Variants in TCTN2 observed in about 807,000 individuals in gnomAD.
TCTN2 encodes tectonic-2.
A neutral mutation model predicts 83.4 loss-of-function variants in TCTN2; 66 were observed. The observed-to-expected ratio is 0.79, with a 90% CI of 0.65 to 0.97. TCTN2 has a LOEUF of 0.97. Ranked by LOEUF, TCTN2 falls within the 50% of genes least tolerant of loss-of-function variation. The pLI is 0.00. For synonymous variants in TCTN2, 301 were observed against 326.7 expected, an observed-to-expected ratio of 0.92 and a Z score of 0.85; for missense variants, 794 against 858.1, an observed-to-expected ratio of 0.93 and a Z score of 0.93.
chr12:123,701,493 C>G (rs757959909), intron 14 of TCTN2, among the ~76,000 whole-genome samples: 10 of 152,016 alleles, frequency 6.6e-5, no homozygotes, highest in Non-Finnish European at 7.4e-5. Context: ...AATCCCAGCA[C>G]TTTGGGAGGC....
chr12:123,673,922 G>A (rs1170958596), intron 4 of TCTN2, 112 bp downstream of exon 4: 3 of 1,006,608 alleles, frequency 3.0e-6, no homozygotes, highest in Non-Finnish European at 3.1e-6. Flanking sequence ...TGAGCTGCCC[G>A]GGAGGTTAAT....
chr12:123,688,832 C>G (rs139163549), intron 7 of TCTN2, among the ~76,000 whole-genome samples: 3,181 of 151,516 alleles, frequency 0.021, 97 homozygotes, highest in African/African-American at 0.054. Flanking sequence ...CTCAGCTCAC[C>G]GCAACCTCTG....
chr12:123,680,817 T>C (rs573414585), intron 5 of TCTN2, among the ~76,000 whole-genome samples: 7 of 151,842 alleles, frequency 4.6e-5, no homozygotes, highest in Non-Finnish European at 1.0e-4. Context: ...GCACTGGGCC[T>C]AAATTCAGTA....
At chr12:123,684,458 T>C (rs567271931) in intron 5 of TCTN2, among the ~76,000 whole-genome samples, 1 of 150,782 alleles carries the variant, frequency 6.6e-6, no homozygotes, top group East Asian at 2.0e-4. Context: ...TGGAGTACAG[T>C]GGTGCGATCT....
At chr12:123,677,028 G>A (rs1462321190) in intron 4 of TCTN2, among the ~76,000 whole-genome samples, 2 of 151,832 alleles carry the variant, frequency 1.3e-5, no homozygotes, top group East Asian at 1.9e-4. Flanking sequence ...AAATATGAAC[G>A]TTACCTGAGC....
At chr12:123,691,400 A>G (rs1956039236) in intron 8 of TCTN2, among the ~76,000 whole-genome samples, 1 of 152,160 alleles carries the variant, frequency 6.6e-6, no homozygotes, top group Non-Finnish European at 1.5e-5. Flanking sequence ...ATCATACACT[A>G]TGTGGCCTTT....
rs1307763559 is a variant in TCTN2 at position 123,704,708 on chromosome 12, C to T, written c.1769+20C>T. 1 of 1,613,240 alleles carries T rather than the reference C, an allele frequency of 6.2e-7. No individual in the cohort carries two copies. The highest frequency in any genetic ancestry group is 1.1e-5 in the South Asian group (1 of 90,966). ...GACAAGGTATGATCACATCTTGGAT[C>T]ACCGTAGTTTAGAGAGAGTCAGGAA... On this transcript the variant is annotated intron_variant, in intron 15 of 17. Coordinates refer to ENST00000303372, the MANE Select transcript of TCTN2 (RefSeq NM_024809.5).
chr12:123,681,474 G>T (rs118073002), intron 5 of TCTN2, among the ~76,000 whole-genome samples: 1 of 152,158 alleles, frequency 6.6e-6, no homozygotes, highest in African/African-American at 2.4e-5. Flanking sequence ...GACATTGCAC[G>T]TATATGGAAT....
At chr12:123,688,917 C>T (rs1008813013) in intron 7 of TCTN2, among the ~76,000 whole-genome samples, 2 of 151,998 alleles carry the variant, frequency 1.3e-5, no homozygotes, top group African/African-American at 4.8e-5. Flanking sequence ...CCACCACGCC[C>T]AGCTAATTTT....
rs1955863574 is a variant in TCTN2, at chr12:123,679,224, C to T, written c.499C>T (p.Pro167Ser). The T allele has an allele frequency of 1.2e-6, 2 of 1,614,126 alleles. No individual in the cohort carries two copies. The highest frequency in any genetic ancestry group is 1.7e-6 in the Non-Finnish European group (2 of 1,179,978). ...VTVIPNQVYQ[P>S]LGPCPCNLTA... is the part of the protein sequence containing the mutation. ...TGTCATTCCTAACCAGGTGTATCAG[C>T]CCCTTGGCCCTTGTCCTTGTAATTT... Residue 167 changes from proline to serine, a missense_variant, in exon 5 of 18, where the codon CCC (proline) becomes TCC (serine). By Grantham distance (74) the Pro-to-Ser change is moderately conservative. Coordinates refer to ENST00000303372, the MANE Select transcript of TCTN2 (RefSeq NM_024809.5).
At chr12:123,687,760 C>G (rs12829984) in intron 6 of TCTN2, among the ~76,000 whole-genome samples, 1 of 151,720 alleles carries the variant, frequency 6.6e-6, no homozygotes, top group African/African-American at 2.4e-5. Context: ...GTTGGGAGTT[C>G]AAGACGAGCC....
chr12:123,676,150 G>A (rs984266657), intron 4 of TCTN2, among the ~76,000 whole-genome samples: 9 of 152,040 alleles, frequency 5.9e-5, no homozygotes, highest in Admixed American at 5.2e-4. Context: ...CGTGGTAGTC[G>A]GTGCCTGTAG....
intron 5 of TCTN2, among the ~76,000 whole-genome samples, chr12:123,685,595 T>A (rs1278726971): frequency 6.6e-6 from 1 of 151,962 alleles, no homozygotes; most frequent in Non-Finnish European, 1.5e-5. Context: ...ATTTTTTTAT[T>A]TTTAGTAGAG....
intron 9 of TCTN2, among the ~76,000 whole-genome samples, chr12:123,693,246 G>A (rs1382846213): frequency 6.6e-6 from 1 of 151,430 alleles, no homozygotes; most frequent in South Asian, 2.1e-4. Flanking sequence ...GGCTGGTCTC[G>A]AACTCCCGAC....
At chr12:123,700,157 GTGCGCCACCACATC>G in intron 14 of TCTN2, 1 of 406,096 alleles carries the variant, frequency 2.5e-6, no homozygotes, top group Admixed American at 3.7e-5. Flanking sequence ...AACCACAGGT[GTGCGCCACCACATC>G]TGGCTAATTT....
intron 2 of TCTN2, among the ~76,000 whole-genome samples, 184 bp from the exon 3 acceptor site, chr12:123,671,872 C>A (rs1955757422): frequency 6.6e-6 from 1 of 152,202 alleles, no homozygotes; most frequent in African/African-American, 2.4e-5. Flanking sequence ...ACAGTAATAT[C>A]TTTTCATCCC....
In TCTN2 at chr12:123,686,892, T is replaced by G; in HGVS notation, c.621T>G (p.Phe207Leu). ...LFRRSCFTGVFGGDVNPPFDQ... is the reference protein window; with the variant it reads ...LFRRSCFTGVLGGDVNPPFDQ... ...GACGGTCCTGCTTCACCGGCGTGTTTGGAGGAGACGTCAATCCTCCTTTTG... is the reference window on the plus strand; with the variant it reads ...GACGGTCCTGCTTCACCGGCGTGTTGGGAGGAGACGTCAATCCTCCTTTTG... The change falls in exon 6 of 18, where the codon TTT (phenylalanine) becomes TTG (leucine). Residue 207 changes from phenylalanine (F) to leucine (L), a missense_variant. Coordinates refer to ENST00000303372, the MANE Select transcript of TCTN2 (RefSeq NM_024809.5). The G allele has an allele frequency of 6.2e-7, 1 of 1,614,210 alleles. No individual in the cohort carries two copies. The highest frequency in any genetic ancestry group is 8.5e-7 in the Non-Finnish European group (1 of 1,180,036).
intron 15 of TCTN2, among the ~76,000 whole-genome samples, chr12:123,705,759 CTTTT>C (rs35532522): frequency 7.1e-6 from 1 of 140,852 alleles, no homozygotes; most frequent in Non-Finnish European, 1.5e-5. Context: ...TTCTTTCTTT[CTTTT>C]TTTTTTTTTT....
Position 123,671,328 on chromosome 12 carries a change from T to C in TCTN2, c.82+6T>C, listed in dbSNP as rs1406539192. 1.9e-6 allele frequency: 3 copies of C among 1,613,532 alleles called. No homozygotes were observed. Among genetic ancestry groups the C allele is most frequent in the Non-Finnish European group, 2.5e-6 (3 of 1,179,836 alleles). Reference sequence around the variant, plus strand: ...GCTTCTGTGGGGGGACCTGGGTGTGTACGGCGCGGCAGTGACCTCGGTGGG... The same window carrying C: ...GCTTCTGTGGGGGGACCTGGGTGTGCACGGCGCGGCAGTGACCTCGGTGGG... On this transcript the variant is annotated splice_donor_region_variant and intron_variant, in intron 1 of 17. Coordinates refer to ENST00000303372, the MANE Select transcript of TCTN2 (RefSeq NM_024809.5).
Sources: allele counts gnomAD v4.1 joint callset (sites outside exome capture counted in the v4.1 genomes callset), GRCh38; gene constraint gnomAD v4.1.1; transcripts MANE v1.5; gene names NCBI Gene and HGNC (gene_info 2026-07-23, HGNC 2026-07-21).